Variants in COBLL1 observed in about 807,000 individuals in gnomAD.
COBLL1 encodes cordon-bleu protein-like 1.
A neutral mutation model predicts 94.8 loss-of-function variants in COBLL1; 50 were observed. That is an observed-to-expected ratio of 0.53 (90% CI 0.42 to 0.67). The LOEUF (loss-of-function observed/expected upper bound fraction) is 0.67, where lower values mean the gene tolerates loss of function less well. Among genes scored for constraint, COBLL1 ranks in the 30% least tolerant of loss-of-function variants. COBLL1 has a pLI of 0.00. For synonymous variants in COBLL1, 448 were observed against 473.8 expected, an observed-to-expected ratio of 0.95 and a Z score of 0.71; for missense variants, 1,362 against 1,348.7, an observed-to-expected ratio of 1.01 and a Z score of -0.15.
At chr2:164,762,600 A>G (rs1687736953) in intron 2 of COBLL1, among the ~76,000 whole-genome samples, 1 of 152,240 alleles carries the variant, frequency 6.6e-6, no homozygotes, top group Non-Finnish European at 1.5e-5. Flanking sequence ...AGCCTGGTAA[A>G]AGCATCTGAT....
intron 1 of COBLL1, among the ~76,000 whole-genome samples, chr2:164,667,989 G>A (rs62173904): frequency 0.12 from 16,726 of 144,804 alleles, 1,032 homozygotes; most frequent in Non-Finnish European, 0.15. Flanking sequence ...CTATCGCCCA[G>A]GCTGGAGGGC....
At chr2:164,812,861 C>A (rs1207152939) in intron 2 of COBLL1, among the ~76,000 whole-genome samples, 2 of 152,026 alleles carry the variant, frequency 1.3e-5, no homozygotes, top group African/African-American at 2.4e-5. Context: ...CTACTGTATA[C>A]TAAAATAGAA....
intron 2 of COBLL1, among the ~76,000 whole-genome samples, chr2:164,658,364 G>T (rs1691012018): frequency 6.6e-6 from 1 of 152,124 alleles, no homozygotes; most frequent in Admixed American, 6.5e-5. Flanking sequence ...ATTTCCTTGG[G>T]AGGGGTGCCT....
intron 2 of COBLL1, among the ~76,000 whole-genome samples, chr2:164,774,865 C>CAA (rs34127217): frequency 2.7e-4 from 35 of 130,178 alleles, no homozygotes; most frequent in African/African-American, 6.9e-4. Flanking sequence ...TCACTTTTTT[C>CAA]AAAAAAAAAA....
intron 2 of COBLL1, among the ~76,000 whole-genome samples, chr2:164,796,279 G>A (rs1321263546): frequency 1.3e-5 from 2 of 152,270 alleles, no homozygotes; most frequent in East Asian, 3.9e-4. Context: ...CAAAGTACCT[G>A]TACATGTTTT....
intron 2 of COBLL1, among the ~76,000 whole-genome samples, chr2:164,821,070 G>A (rs1202213837): frequency 6.6e-6 from 1 of 151,912 alleles, no homozygotes; most frequent in African/African-American, 2.4e-5. Flanking sequence ...TTTATTTTTA[G>A]TAGAGATGGG....
chr2:164,728,102 T>C lies in COBLL1; in HGVS notation c.528A>G (p.Ile176Met), dbSNP rs1685809201. The C allele has an allele frequency of 3.7e-6, 6 of 1,613,644 alleles. No individual in the cohort carries two copies. The highest frequency in any genetic ancestry group is 3.4e-6 in the Non-Finnish European group (4 of 1,179,600). ...ACGGATCAAACTCACATTTGCTACA[T>C]ATAATAGGGGCAAGCTCTTGAAGCG... is the stretch of plus-strand genomic sequence containing the variant. ...HASLQELAPI[I>M]CSKCEFDPLH... Residue 176 changes from isoleucine (I) to methionine (M), a missense_variant, in exon 5 of 14, where the codon ATA becomes ATG. Physicochemically the swap from Ile to Met is conservative, Grantham distance 10. Coordinates refer to ENST00000652658, the MANE Select transcript of COBLL1 (RefSeq NM_001365672.2).
At chr2:164,764,848 G>T (rs955138691) in intron 2 of COBLL1, among the ~76,000 whole-genome samples, 4 of 152,124 alleles carry the variant, frequency 2.6e-5, no homozygotes, top group Non-Finnish European at 5.9e-5. Flanking sequence ...TCATTATGAA[G>T]GCTGCTAAGG....
intron 13 of COBLL1, among the ~76,000 whole-genome samples, chr2:164,690,428 C>T (rs1281238283): frequency 2.0e-5 from 3 of 151,994 alleles, no homozygotes; most frequent in African/African-American, 7.2e-5. Flanking sequence ...CATTTATTGC[C>T]CGCTTTTTAT....
chr2:164,676,861 T>C (rs990431651), downstream of COBLL1, among the ~76,000 whole-genome samples: 3 of 152,180 alleles, frequency 2.0e-5, no homozygotes, highest in Admixed American at 1.3e-4. Context: ...AATTCTACAC[T>C]CTCTAAACCT....
In COBLL1 at chr2:164,683,386, C is replaced by T. The variant is rs1171411017; in HGVS notation, c.*2560G>A. 2 of 152,026 alleles carry T rather than the reference C, an allele frequency of 1.3e-5. No homozygotes were observed. The allele number at this position is 152,026 out of a possible 1,614,324, so 9.4% of individuals were successfully genotyped here. ...TGTCACAAATTTCTTTCCCCATTGA[C>T]AGGATAGCACATGTTCTCCTAAAAT... On this transcript the variant is annotated 3_prime_UTR_variant, in exon 14 of 14. Transcript: ENST00000652658.
chr2:164,707,689 C>G (rs1684675779), intron 7 of COBLL1, among the ~76,000 whole-genome samples: 3 of 152,008 alleles, frequency 2.0e-5, no homozygotes, highest in African/African-American at 7.3e-5. Context: ...GTAAATACTC[C>G]TTGAATGAAT....
chr2:164,792,279 C>A (rs1280863190), intron 2 of COBLL1, among the ~76,000 whole-genome samples: 1 of 151,994 alleles, frequency 6.6e-6, no homozygotes, highest in African/African-American at 2.4e-5. Context: ...CAGGTGTGCA[C>A]CACCACACCT....
At chr2:164,734,259 T>C (rs1488646986) in intron 3 of COBLL1, among the ~76,000 whole-genome samples, 1 of 150,066 alleles carries the variant, frequency 6.7e-6, no homozygotes, top group Non-Finnish European at 1.5e-5. Context: ...ATGTCCTAAT[T>C]GAAAAATGAC....
At chr2:164,835,660 T>G (rs1683286703) in intron 2 of COBLL1, among the ~76,000 whole-genome samples, 1 of 152,184 alleles carries the variant, frequency 6.6e-6, no homozygotes, top group Non-Finnish European at 1.5e-5. Flanking sequence ...GCTATGCATA[T>G]TTTACCACAA....
At chr2:164,692,120 AC>A (rs1309535628) in intron 13 of COBLL1, 100 bp downstream of exon 13, 3 of 997,974 alleles carry the variant, frequency 3.0e-6, no homozygotes, top group Non-Finnish European at 4.3e-6. Flanking sequence ...AACTTTGGGA[AC>A]CCTATTTAGA....
At chr2:164,829,694 A>G (rs1001735636) in intron 2 of COBLL1, among the ~76,000 whole-genome samples, 1 of 152,200 alleles carries the variant, frequency 6.6e-6, no homozygotes, top group African/African-American at 2.4e-5. Context: ...TTGTATATGA[A>G]CAGGGGGTAT....
intron 2 of COBLL1, among the ~76,000 whole-genome samples, chr2:164,760,847 G>A (rs1474374039): frequency 2.0e-5 from 3 of 152,100 alleles, no homozygotes; most frequent in African/African-American, 2.4e-5. Flanking sequence ...GCTTCAGTTC[G>A]TACCTATTTA....
chr2:164,838,601 T>C (rs1683435530), intron 2 of COBLL1, among the ~76,000 whole-genome samples: 1 of 152,212 alleles, frequency 6.6e-6, no homozygotes, highest in South Asian at 2.1e-4. Flanking sequence ...CTGGTTTTAC[T>C]ACTAATTTGC....
Sources: gnomAD v4.1 joint callset for allele counts (sites outside exome capture counted in the v4.1 genomes callset) on GRCh38, gnomAD v4.1.1 for gene constraint, MANE v1.5 for transcripts, NCBI Gene and HGNC (gene_info 2026-07-23, HGNC 2026-07-21) for gene names.